RBFOX1: variants seen among roughly 807,000 people sequenced by gnomAD.
RBFOX1 encodes the protein RNA binding fox-1 homolog 1.
In RBFOX1, 8 loss-of-function variants were observed where a neutral mutation model predicts 57.7. The observed-to-expected ratio is 0.14, with a 90% confidence interval of 0.08 to 0.25. The LOEUF (loss-of-function observed/expected upper bound fraction) is 0.25, where lower values mean the gene tolerates loss of function less well. RBFOX1 is among the 10% of genes least tolerant of loss of function. The pLI is 1.00. For synonymous variants in RBFOX1, 326 were observed against 222.4 expected, an observed-to-expected ratio of 1.47 and a Z score of -4.15; for missense variants, 611 against 548.5, an observed-to-expected ratio of 1.11 and a Z score of -1.14.
intron 4 of RBFOX1, among the ~76,000 whole-genome samples, chr16:5,981,144 G>C (rs2060164979): frequency 6.6e-6 from 1 of 152,164 alleles, no homozygotes; most frequent in Non-Finnish European, 1.5e-5. Flanking sequence ...CAATAATTAA[G>C]TAAAAGACAT....
intron 1 of RBFOX1, among the ~76,000 whole-genome samples, chr16:6,231,620 T>C (rs1005960488): frequency 2.6e-5 from 4 of 152,202 alleles, no homozygotes; most frequent in Non-Finnish European, 5.9e-5. Context: ...GAATGGTTGA[T>C]GAGAGCTATG....
chr16:5,614,220 A>G (rs749106849), intron 3 of RBFOX1, among the ~76,000 whole-genome samples: 3 of 152,028 alleles, frequency 2.0e-5, no homozygotes, highest in Non-Finnish European at 4.4e-5. Flanking sequence ...TCCCTCTACA[A>G]CTGAGACTGC....
intron 2 of RBFOX1, among the ~76,000 whole-genome samples, chr16:6,654,090 A>G (rs997134576): frequency 2.9e-5 from 4 of 137,980 alleles, no homozygotes; most frequent in African/African-American, 5.0e-5. Context: ...GATTAGATCA[A>G]TGGGCATGGC....
intron 5 of RBFOX1, among the ~76,000 whole-genome samples, chr16:7,564,869 C>T (rs1292927597): frequency 7.2e-5 from 11 of 152,160 alleles, no homozygotes; most frequent in African/African-American, 2.7e-4. Context: ...AGCCCTTCTC[C>T]TTTCAGAGGA....
chr16:7,015,352 T>A (rs2093856627), intron 3 of RBFOX1, among the ~76,000 whole-genome samples: 1 of 152,082 alleles, frequency 6.6e-6, no homozygotes, highest in African/African-American at 2.4e-5. Flanking sequence ...CTTCTTAGCC[T>A]TTTCTGGGCA....
intron 1 of RBFOX1, among the ~76,000 whole-genome samples, chr16:6,312,048 T>C (rs1414668762): frequency 6.6e-6 from 1 of 152,192 alleles, no homozygotes; most frequent in African/African-American, 2.4e-5. Context: ...GTGATCAAGA[T>C]ACAGTTTGCT....
In RBFOX1 at chr16:5,970,534, C is replaced by G. The variant is rs147924569; in HGVS notation, c.351+103199C>G. Among the ~76,000 whole-genome samples, 4 of 152,224 alleles carry G rather than the reference C, an allele frequency of 2.6e-5. No homozygotes were observed. The East Asian group carries it at 7.7e-4, about 29-fold the overall frequency. ...ACGCTAATCACATTTCCAGTTTCAA[C>G]CAATGAGTTGCTCAAGTAGAAATAA... is the stretch of plus-strand genomic sequence containing the variant. On this transcript the variant is annotated intron_variant, in intron 4 of 19. Coordinates refer to the RBFOX1 transcript ENST00000641259.
intron 1 of RBFOX1, among the ~76,000 whole-genome samples, chr16:5,377,202 C>T (rs776519028): frequency 2.0e-5 from 3 of 151,520 alleles, no homozygotes; most frequent in Admixed American, 1.3e-4. Flanking sequence ...AATAGTCAGA[C>T]ATGACATCTG....
intron 1 of RBFOX1, among the ~76,000 whole-genome samples, chr16:6,047,830 C>T (rs2095511458): frequency 6.6e-6 from 1 of 152,124 alleles, no homozygotes; most frequent in Admixed American, 6.5e-5. Context: ...TATACCATGG[C>T]TGTGCCTATT....
chr16:7,586,383 G>A (rs953702288), intron 6 of RBFOX1, among the ~76,000 whole-genome samples: 7 of 152,154 alleles, frequency 4.6e-5, no homozygotes, highest in South Asian at 4.1e-4. Flanking sequence ...GTTTTGAAAC[G>A]TGATCAAGAA....
At chr16:6,449,779 A>T (rs1041499656) in intron 2 of RBFOX1, among the ~76,000 whole-genome samples, 1 of 152,180 alleles carries the variant, frequency 6.6e-6, no homozygotes, top group African/African-American at 2.4e-5. Flanking sequence ...TTTATTAGCA[A>T]CGTACTGCAG....
chr16:6,460,531 C>A (rs867097124), intron 2 of RBFOX1, among the ~76,000 whole-genome samples: 2 of 151,228 alleles, frequency 1.3e-5, no homozygotes, highest in Admixed American at 1.3e-4. Flanking sequence ...AGATGCAAAT[C>A]AAAACCACAA....
At chr16:6,559,007 G>A (rs1481206973) in intron 2 of RBFOX1, among the ~76,000 whole-genome samples, 1 of 151,960 alleles carries the variant, frequency 6.6e-6, no homozygotes, top group African/African-American at 2.4e-5. Flanking sequence ...GTCTTTCCTG[G>A]AATTCCCACC....
chr16:7,231,030 C>T (rs1036746483), intron 4 of RBFOX1, among the ~76,000 whole-genome samples: 2 of 152,058 alleles, frequency 1.3e-5, no homozygotes, highest in African/African-American at 2.4e-5. Context: ...CACCTCTAGC[C>T]CCCTGAGCAT....
At chr16:5,767,188 G>C (rs781543103) in intron 3 of RBFOX1, among the ~76,000 whole-genome samples, 1 of 152,188 alleles carries the variant, frequency 6.6e-6, no homozygotes, top group African/African-American at 2.4e-5. Flanking sequence ...TAGCTTGGTA[G>C]AAATACCACA....
At chr16:5,259,882 G>A (rs1223160178) in intron 1 of RBFOX1, among the ~76,000 whole-genome samples, 1 of 152,064 alleles carries the variant, frequency 6.6e-6, no homozygotes, top group Non-Finnish European at 1.5e-5. Context: ...TCTGCGGAGT[G>A]GGTATGATCA....
chr16:7,035,299 C>G (rs1202295669), intron 3 of RBFOX1, among the ~76,000 whole-genome samples: 1 of 152,044 alleles, frequency 6.6e-6, no homozygotes, highest in Non-Finnish European at 1.5e-5. Flanking sequence ...CCCAGGCTTG[C>G]CCATTTGACT....
intron 4 of RBFOX1, among the ~76,000 whole-genome samples, chr16:5,934,573 C>A (rs559615825): frequency 6.6e-6 from 1 of 152,058 alleles, no homozygotes; most frequent in Non-Finnish European, 1.5e-5. Context: ...CAGATCCCGC[C>A]AAGTGTTTTA....
At chr16:6,345,796 C>T (rs1450942661) in intron 2 of RBFOX1, among the ~76,000 whole-genome samples, 1 of 152,208 alleles carries the variant, frequency 6.6e-6, no homozygotes, top group East Asian at 1.9e-4. Flanking sequence ...GTGCCTGTGA[C>T]ACGGCCTCAG....
Sources: gnomAD v4.1 joint callset for allele counts (sites outside exome capture counted in the v4.1 genomes callset) on GRCh38, gnomAD v4.1.1 for gene constraint, MANE v1.5 for transcripts, NCBI Gene and HGNC (gene_info 2026-07-23, HGNC 2026-07-21) for gene names.